Variants in CACNA2D3 observed in about 807,000 individuals in gnomAD.
The protein encoded by CACNA2D3 is voltage-dependent calcium channel subunit alpha-2/delta-3.
Under a neutral mutation model 160.6 loss-of-function variants are expected in CACNA2D3, and 60 were observed. That is an observed-to-expected ratio of 0.37 (90% confidence interval 0.30 to 0.46). The LOEUF is 0.46. Among genes scored for constraint, CACNA2D3 ranks in the 20% least tolerant of loss-of-function variants. The pLI is 1.00. For synonymous variants in CACNA2D3, 558 were observed against 492.9 expected (o/e 1.13, Z -1.75); for missense variants, 1,205 against 1,365.0 (o/e 0.88, Z 1.85).
chr3:54,852,642 A>C (rs1699083232), intron 17 of CACNA2D3, among the ~76,000 whole-genome samples: 1 of 152,076 alleles, frequency 6.6e-6, no homozygotes, highest in African/African-American at 2.4e-5. Context: ...ATTCCTGGGC[A>C]GTGCACGTTT....
chr3:54,622,171 G>A (rs947404866), intron 9 of CACNA2D3, among the ~76,000 whole-genome samples: 2 of 152,160 alleles, frequency 1.3e-5, no homozygotes, highest in African/African-American at 4.8e-5. Context: ...TTCACAGCAG[G>A]CAAAATTGAA....
chr3:54,714,784 T>C (rs1701020706), intron 11 of CACNA2D3, among the ~76,000 whole-genome samples: 1 of 152,224 alleles, frequency 6.6e-6, no homozygotes, highest in African/African-American at 2.4e-5. Context: ...CCCATGCTTA[T>C]CGATGCCTAA....
At chr3:55,023,221 C>T (rs548239438) in intron 35 of CACNA2D3, among the ~76,000 whole-genome samples, 1 of 152,252 alleles carries the variant, frequency 6.6e-6, no homozygotes, top group East Asian at 1.9e-4. Flanking sequence ...TCCCCCGTTT[C>T]GGATGGCTTT....
chr3:54,951,237 A>C (rs767234099), intron 27 of CACNA2D3, among the ~76,000 whole-genome samples: 3 of 152,216 alleles, frequency 2.0e-5, no homozygotes, highest in African/African-American at 4.8e-5. Context: ...AAATCTGTCA[A>C]TGCAGTGGCC....
intron 27 of CACNA2D3, among the ~76,000 whole-genome samples, chr3:54,926,911 A>G (rs1396363445): frequency 1.3e-5 from 2 of 152,088 alleles, no homozygotes; most frequent in African/African-American, 4.8e-5. Flanking sequence ...TTAAGTTCAC[A>G]TTTTCTTAGA....
chr3:54,433,260 C>CT (rs1271855912), intron 4 of CACNA2D3, among the ~76,000 whole-genome samples: 3 of 152,036 alleles, frequency 2.0e-5, no homozygotes, highest in Non-Finnish European at 2.9e-5. Flanking sequence ...AGTGTAGACT[C>CT]TATCAGGATG....
chr3:54,847,745 C>T (rs1055578424), intron 17 of CACNA2D3, among the ~76,000 whole-genome samples: 6 of 152,196 alleles, frequency 3.9e-5, no homozygotes, highest in African/African-American at 9.7e-5. Context: ...ATTGAAAAAG[C>T]GGCTGTCTTT....
chr3:54,404,244 CAAT>C (rs1165195222), intron 4 of CACNA2D3, among the ~76,000 whole-genome samples: 1 of 152,036 alleles, frequency 6.6e-6, no homozygotes, highest in East Asian at 1.9e-4. Context: ...AAAAAATCAT[CAAT>C]AATATTTTAG....
chr3:54,959,112 C>G (rs1701973458), intron 27 of CACNA2D3, among the ~76,000 whole-genome samples: 1 of 152,148 alleles, frequency 6.6e-6, no homozygotes, highest in Non-Finnish European at 1.5e-5. Context: ...GCAAAAAACC[C>G]CTTTATCTGG....
At chr3:55,027,319 G>A (rs983287892) in intron 35 of CACNA2D3, among the ~76,000 whole-genome samples, 2 of 152,124 alleles carry the variant, frequency 1.3e-5, no homozygotes, top group Admixed American at 6.5e-5. Flanking sequence ...ATGAAATACA[G>A]TTTATTAGAA....
intron 27 of CACNA2D3, among the ~76,000 whole-genome samples, chr3:54,942,838 C>T (rs980866487): frequency 1.3e-5 from 2 of 152,096 alleles, no homozygotes; most frequent in African/African-American, 4.8e-5. Context: ...TCCTGGCTAA[C>T]ACAGTGAAAC....
intron 5 of CACNA2D3, among the ~76,000 whole-genome samples, chr3:54,561,469 C>G (rs1305788417): frequency 1.3e-5 from 2 of 152,156 alleles, no homozygotes; most frequent in Non-Finnish European, 2.9e-5. Flanking sequence ...GCTTAAGAAG[C>G]TTTTGGGCTG....
chr3:54,371,175 A>G (rs1698920252), intron 3 of CACNA2D3, among the ~76,000 whole-genome samples: 1 of 151,932 alleles, frequency 6.6e-6, no homozygotes, highest in Non-Finnish European at 1.5e-5. Flanking sequence ...TGCTTTGAAC[A>G]TTTGTGTATA....
At chr3:54,714,755 G>A (rs561820544) in intron 11 of CACNA2D3, among the ~76,000 whole-genome samples, 1 of 152,316 alleles carries the variant, frequency 6.6e-6, no homozygotes, top group Non-Finnish European at 1.5e-5. Context: ...GAAATCGATA[G>A]CAAAGAGATA....
chr3:54,906,011 G>A (rs981461093), intron 27 of CACNA2D3, among the ~76,000 whole-genome samples: 1 of 152,162 alleles, frequency 6.6e-6, no homozygotes, highest in African/African-American at 2.4e-5. Context: ...GGTGTCAGGC[G>A]ATTGTCAATT....
At chr3:54,861,762 G>C (rs1357038373) in intron 17 of CACNA2D3, among the ~76,000 whole-genome samples, 1 of 152,172 alleles carries the variant, frequency 6.6e-6, no homozygotes, top group Admixed American at 6.5e-5. Flanking sequence ...TAGGTTGATG[G>C]GTGCTGCTTG....
chr3:54,957,971 A>G (rs1457867323), intron 27 of CACNA2D3, among the ~76,000 whole-genome samples: 1 of 152,224 alleles, frequency 6.6e-6, no homozygotes, highest in Non-Finnish European at 1.5e-5. Context: ...TGGCAGAGGT[A>G]GATGTCTGGA....
At chr3:54,568,560 C>T (rs903318082) in intron 6 of CACNA2D3, among the ~76,000 whole-genome samples, 2 of 152,222 alleles carry the variant, frequency 1.3e-5, no homozygotes, top group Admixed American at 1.3e-4. Flanking sequence ...CTGTGCCATC[C>T]TAATGGTACC....
chr3:54,878,130 G>A (rs1699707450), intron 18 of CACNA2D3, among the ~76,000 whole-genome samples: 2 of 152,130 alleles, frequency 1.3e-5, no homozygotes, highest in Admixed American at 6.5e-5. Flanking sequence ...TTGCTTGCTA[G>A]TGTTGCAGTT....
Sources: allele counts gnomAD v4.1 joint callset (sites outside exome capture counted in the v4.1 genomes callset), GRCh38; gene constraint gnomAD v4.1.1; transcripts MANE v1.5; gene names NCBI Gene and HGNC (gene_info 2026-07-23, HGNC 2026-07-21).